Variants in CLGN observed in about 807,000 individuals in gnomAD.
CLGN encodes the protein calmegin, also known as testis tissue sperm-binding protein Li 79P.
In CLGN, 62 loss-of-function variants were observed where a neutral mutation model predicts 79.1. The observed-to-expected ratio is 0.78, with a 90% CI of 0.64 to 0.97. The LOEUF (loss-of-function observed/expected upper bound fraction) is 0.97. Ranked by LOEUF, CLGN falls within the 50% of genes least tolerant of loss-of-function variation. The pLI, the probability that CLGN is intolerant of heterozygous loss-of-function variation, is 0.00. For synonymous variants in CLGN, 225 were observed against 224.7 expected, an observed-to-expected ratio of 1.00 and a Z score of -0.01; for missense variants, 647 against 715.5, an observed-to-expected ratio of 0.90 and a Z score of 1.09.
intron 13 of CLGN, 82 bp downstream of exon 13, chr4:140,392,134 TATA>T: frequency 5.0e-6 from 7 of 1,413,486 alleles, no homozygotes; most frequent in Non-Finnish European, 6.8e-6. Context: ...AATAAACAAG[TATA>T]ATAACTAGTT....
intron 1 of CLGN, among the ~76,000 whole-genome samples, chr4:140,417,074 A>G (rs1578607290): frequency 6.7e-6 from 1 of 148,766 alleles, no homozygotes; most frequent in Non-Finnish European, 1.5e-5. Flanking sequence ...GTAATCCAGC[A>G]TATAAACAGA....
At chr4:140,419,091 A>G (rs988881201) in intron 1 of CLGN, among the ~76,000 whole-genome samples, 11 of 152,122 alleles carry the variant, frequency 7.2e-5, no homozygotes, top group African/African-American at 2.7e-4. Flanking sequence ...TTCTCAGTAA[A>G]CTATTGCAAG....
intron 1 of CLGN, among the ~76,000 whole-genome samples, chr4:140,413,662 G>A (rs969654010): frequency 5.3e-5 from 8 of 152,202 alleles, no homozygotes; most frequent in Non-Finnish European, 8.8e-5. Context: ...CTTAAAAAAC[G>A]GCGCACCACG....
At chr4:140,396,903 ATATG>A (rs1553944644) in intron 8 of CLGN, among the ~76,000 whole-genome samples, 76 of 66,294 alleles carry the variant, frequency 1.1e-3, no homozygotes, top group African/African-American at 3.4e-3. Flanking sequence ...ATATATATAT[ATATG>A]TATATATATA....
At chr4:140,412,376 A>G (rs529411690) in intron 2 of CLGN, among the ~76,000 whole-genome samples, 2 of 152,290 alleles carry the variant, frequency 1.3e-5, no homozygotes, top group South Asian at 4.1e-4. Flanking sequence ...GCTCTTATGT[A>G]TCATCAAGGT....
chr4:140,423,306 T>C (rs548963677), intron 1 of CLGN, among the ~76,000 whole-genome samples: 1 of 152,316 alleles, frequency 6.6e-6, no homozygotes, highest in South Asian at 2.1e-4. Context: ...TCATGTGTTC[T>C]CCCCTCCCTA....
At position 140,413,030 on chromosome 4, in the gene CLGN, T is replaced by C. The variant is rs1578604330; in HGVS notation, c.49A>G (p.Ile17Val). 6.2e-7 allele frequency: 1 copy of C among 1,613,362 alleles called. No individual in the cohort carries two copies. Among genetic ancestry groups the C allele is most frequent in the Middle Eastern group, 1.7e-4 (1 of 6,058 alleles). ...WLCLGLLFIS[I>V]NAEFMDDDVE... ...TCATCATCCATAAATTCTGCATTAATTGAGATGAACAGAAGACCCAAACAT... is the reference window on the plus strand; with the variant it reads ...TCATCATCCATAAATTCTGCATTAACTGAGATGAACAGAAGACCCAAACAT... Residue 17 changes from isoleucine to valine, a missense_variant, in exon 2 of 15, where the codon ATT becomes GTT. By Grantham distance (29) the Ile-to-Val change is conservative. Coordinates refer to ENST00000325617, the MANE Select transcript of CLGN (RefSeq NM_004362.3).
intron 8 of CLGN, 45 bp downstream of exon 8, chr4:140,398,806 C>G (rs1483629069): frequency 6.6e-7 from 1 of 1,506,842 alleles, no homozygotes; most frequent in African/African-American, 1.4e-5. Context: ...TGTTTCATTA[C>G]CTAGTTATGC....
intron 2 of CLGN, among the ~76,000 whole-genome samples, chr4:140,411,846 C>T (rs1260281252): frequency 6.6e-6 from 1 of 151,994 alleles, no homozygotes; most frequent in Non-Finnish European, 1.5e-5. Context: ...TTCTGATAGG[C>T]CACCCCTAAA....
Position 140,406,891 on chromosome 4 carries a change from T to C in CLGN, c.278-808A>G, listed in dbSNP as rs1017076147. Among the ~76,000 whole-genome samples the C allele has an allele frequency of 2.0e-5, 3 of 152,244 alleles. No homozygotes were observed. In the East Asian group the frequency reaches 5.8e-4, roughly 29 times the overall value. On this transcript the variant is annotated intron_variant, in intron 4 of 14. Transcript: ENST00000325617. ...TGTGTAAAATCTTCTGTTTTGAAAATGATAGGTATTGCCTATTCCAAGAAA... is the reference window on the plus strand; with the variant it reads ...TGTGTAAAATCTTCTGTTTTGAAAACGATAGGTATTGCCTATTCCAAGAAA...
At chr4:140,424,797 C>G (rs1016865264) in intron 1 of CLGN, among the ~76,000 whole-genome samples, 15 of 152,166 alleles carry the variant, frequency 9.9e-5, no homozygotes, top group Non-Finnish European at 1.5e-4. Context: ...TGCACCAACA[C>G]GTATCTTTGA....
In CLGN at chr4:140,402,025, G is replaced by A. The variant is rs200768352; in HGVS notation, c.461C>T (p.Ala154Val). Reference sequence around the variant, plus strand: ...AGTGTCTGCTAGGAGTTTAATGTATGCACCTCCACAATCAATACCATCTTG... The same window carrying A: ...AGTGTCTGCTAGGAGTTTAATGTATACACCTCCACAATCAATACCATCTTG... ...NFQDGIDCGG[A>V]YIKLLADTDD... Residue 154 changes from alanine to valine, a missense_variant, in exon 6 of 15, where the codon GCA becomes GTA. By Grantham distance (64) the Ala-to-Val change is moderately conservative (BLOSUM62 0). Transcript: ENST00000325617. The A allele has an allele frequency of 1.3e-6, 2 of 1,584,094 alleles. No individual in the cohort carries two copies. Among genetic ancestry groups the A allele is most frequent in the Admixed American group, 1.8e-5 (1 of 56,686 alleles).
At position 140,392,566 on chromosome 4, in the gene CLGN, A is replaced by G; in HGVS notation, c.1491+20T>C. Reference sequence around the variant, plus strand: ...AAGAAATTTGGGTGAAAAAAGTTGAAGGAAATCCATTTTCTTTACCTTTAC... The same window carrying G: ...AAGAAATTTGGGTGAAAAAAGTTGAGGGAAATCCATTTTCTTTACCTTTAC... On this transcript the variant is annotated intron_variant, in intron 12 of 14. Transcript: ENST00000325617. 6.3e-7 allele frequency: 1 copy of G among 1,576,642 alleles called. No individual in the cohort carries two copies.
At chr4:140,411,195 T>C (rs537944271) in intron 2 of CLGN, among the ~76,000 whole-genome samples, 1 of 152,170 alleles carries the variant, frequency 6.6e-6, no homozygotes, top group East Asian at 1.9e-4. Flanking sequence ...GCTGATGATA[T>C]AGTGGCTCCT....
chr4:140,403,630 A>C (rs1472164814), intron 5 of CLGN, among the ~76,000 whole-genome samples: 1 of 152,210 alleles, frequency 6.6e-6, no homozygotes, highest in African/African-American at 2.4e-5. Flanking sequence ...AGCATTCTGT[A>C]AAAAGGTAAG....
chr4:140,401,133 G>A (rs536179236), intron 6 of CLGN, among the ~76,000 whole-genome samples: 1 of 152,232 alleles, frequency 6.6e-6, no homozygotes, highest in South Asian at 2.1e-4. Flanking sequence ...AAAGCTCTCT[G>A]CACCTCCATT....
intron 11 of CLGN, 58 bp downstream of exon 11, chr4:140,393,768 C>T: frequency 4.0e-6 from 6 of 1,481,512 alleles, no homozygotes; most frequent in Non-Finnish European, 4.7e-6. Flanking sequence ...AACCTACAAC[C>T]AAGACCAAGT....
At chr4:140,400,154 G>A (rs1336832653) in intron 7 of CLGN, among the ~76,000 whole-genome samples, 2 of 152,100 alleles carry the variant, frequency 1.3e-5, no homozygotes, top group Admixed American at 6.6e-5. Context: ...TATTGCTTGT[G>A]AACTCTTAGC....
chr4:140,411,256 T>C (rs1041213997), intron 2 of CLGN, among the ~76,000 whole-genome samples: 2 of 152,070 alleles, frequency 1.3e-5, no homozygotes, highest in African/African-American at 2.4e-5. Context: ...AACCACTTTA[T>C]ATATGATGAA....
Sources: gnomAD v4.1 joint callset for allele counts (sites outside exome capture counted in the v4.1 genomes callset) on GRCh38, gnomAD v4.1.1 for gene constraint, MANE v1.5 for transcripts, NCBI Gene and HGNC (gene_info 2026-07-23, HGNC 2026-07-21) for gene names.